PRKN: variants seen among roughly 807,000 people sequenced by gnomAD.
PRKN encodes E3 ubiquitin-protein ligase parkin.
In PRKN, 56 loss-of-function variants were observed where a neutral mutation model predicts 59.5. The observed-to-expected ratio is 0.94, with a 90% CI of 0.76 to 1.18. The LOEUF (loss-of-function observed/expected upper bound fraction) is 1.18. PRKN is among the 50% of genes most tolerant of loss of function. The pLI, the probability that PRKN is intolerant of heterozygous loss-of-function variation, is 0.00. For synonymous variants in PRKN, 250 were observed against 222.1 expected, an observed-to-expected ratio of 1.13 and a Z score of -1.12; for missense variants, 657 against 596.4, an observed-to-expected ratio of 1.10 and a Z score of -1.06.
chr6:161,502,874 T>C lies in PRKN; in HGVS notation c.1083+45980A>G, dbSNP rs939962612. Among the ~76,000 whole-genome samples, 14 of 152,160 alleles carry C rather than the reference T, an allele frequency of 9.2e-5. No individual in the cohort carries two copies. The highest frequency in any genetic ancestry group is 1.9e-4 in the Non-Finnish European group (13 of 68,012). On this transcript the variant is annotated intron_variant, in intron 9 of 11. Coordinates refer to ENST00000366898, the MANE Select transcript of PRKN (RefSeq NM_004562.3). This position sits in a 1 kb window ranked among gnomAD's most constrained non-coding sequence, Gnocchi z 4.0. ...TTAAAAACCTGACTCCACAGCTTAG[T>C]AGGTGCGTAACCCTGGGGATGTCGC...
intron 1 of PRKN, among the ~76,000 whole-genome samples, chr6:162,607,610 T>C (rs1280805616): frequency 1.3e-5 from 2 of 151,814 alleles, no homozygotes; most frequent in Non-Finnish European, 2.9e-5. Context: ...ACTGATAAGA[T>C]GAGGCTGAAT....
chr6:161,454,224 G>A lies in PRKN; in HGVS notation c.1084-67347C>T, dbSNP rs1408077438. Among the ~76,000 whole-genome samples the A allele has an allele frequency of 1.3e-5, 2 of 152,146 alleles. No homozygotes were observed. Among genetic ancestry groups the A allele is most frequent in the African/African-American group, 4.8e-5 (2 of 41,424 alleles). On this transcript the variant is annotated intron_variant, in intron 9 of 11. Transcript: ENST00000366898. This position sits in a 1 kb window ranked among gnomAD's most constrained non-coding sequence, Gnocchi z 4.6. Reference sequence around the variant, plus strand: ...AACGGCAGCATGGGTTCTATAGGTCGGGGTGGCATTAGCACTGACGGCACA... The same window carrying A: ...AACGGCAGCATGGGTTCTATAGGTCAGGGTGGCATTAGCACTGACGGCACA...
In PRKN at chr6:161,429,649, A is replaced by T. The variant is rs1326701782; in HGVS notation, c.1084-42772T>A. 6.6e-6 allele frequency among the ~76,000 whole-genome samples: 1 copy of T among 152,098 alleles called. No homozygotes were observed. The highest frequency in any genetic ancestry group is 1.5e-5 in the Non-Finnish European group (1 of 68,020). ...GCTGCTGGTTTCAGGTTTGGGCCAC[A>T]AGTAGATCAATGAAGAAAGAGGAAT... On this transcript the variant is annotated intron_variant, in intron 9 of 11. Coordinates refer to ENST00000366898, the MANE Select transcript of PRKN (RefSeq NM_004562.3). The surrounding 1 kb of genome is among the most constrained non-coding windows in gnomAD (Gnocchi z 4.2).
intron 1 of PRKN, among the ~76,000 whole-genome samples, chr6:162,607,013 C>T (rs1002922099): frequency 1.1e-4 from 16 of 149,516 alleles, no homozygotes; most frequent in Admixed American, 2.7e-4. Flanking sequence ...GTGCCCAGCC[C>T]GGTTATTTAT....
intron 2 of PRKN, among the ~76,000 whole-genome samples, chr6:162,366,762 G>A: frequency 6.6e-6 from 1 of 152,048 alleles, no homozygotes; most frequent in South Asian, 2.1e-4. Context: ...AAAATTAGCT[G>A]GGTGTGGTGG....
chr6:161,608,690 G>A (rs1014311238), intron 7 of PRKN, among the ~76,000 whole-genome samples: 3 of 151,686 alleles, frequency 2.0e-5, no homozygotes, highest in Admixed American at 6.6e-5. Context: ...GTGCCACCAC[G>A]CCCGGCTAAT....
At chr6:162,569,528 G>C in intron 1 of PRKN, 1 of 710,000 alleles carries the variant, frequency 1.4e-6, no homozygotes. Context: ...GACCACCAGC[G>C]CCTATGCAGA....
At chr6:162,134,420 G>A (rs549077742) in intron 4 of PRKN, among the ~76,000 whole-genome samples, 9 of 152,280 alleles carry the variant, frequency 5.9e-5, no homozygotes, top group African/African-American at 2.2e-4. Flanking sequence ...TGTTTTATAA[G>A]TTACTGATGG....
intron 1 of PRKN, among the ~76,000 whole-genome samples, chr6:162,570,708 A>G (rs1780286506): frequency 6.6e-6 from 1 of 152,216 alleles, no homozygotes; most frequent in African/African-American, 2.4e-5. Flanking sequence ...TAAGCCAGGC[A>G]GAGAAAGACA....
chr6:161,917,876 T>C (rs1742810612), intron 6 of PRKN, among the ~76,000 whole-genome samples: 1 of 152,220 alleles, frequency 6.6e-6, no homozygotes, highest in South Asian at 2.1e-4. Flanking sequence ...GATGCAGGCT[T>C]CGCTGATCAT....
At chr6:162,081,432 C>A (rs545078129) in intron 4 of PRKN, among the ~76,000 whole-genome samples, 1 of 152,246 alleles carries the variant, frequency 6.6e-6, no homozygotes, top group South Asian at 2.1e-4. Context: ...AGACTACATT[C>A]ACTTCCCTAT....
intron 2 of PRKN, among the ~76,000 whole-genome samples, chr6:162,379,885 T>A (rs1024026840): frequency 2.0e-5 from 3 of 152,170 alleles, no homozygotes; most frequent in African/African-American, 7.2e-5. Flanking sequence ...CTGAGGTAGC[T>A]GATGAACATG....
chr6:161,536,389 A>G (rs1779416080), intron 9 of PRKN, among the ~76,000 whole-genome samples: 1 of 151,922 alleles, frequency 6.6e-6, no homozygotes. Context: ...GACCCGGAAA[A>G]TGAGGTCATT....
chr6:161,450,040 T>C (rs1163886497), intron 9 of PRKN, among the ~76,000 whole-genome samples: 1 of 152,196 alleles, frequency 6.6e-6, no homozygotes, highest in Non-Finnish European at 1.5e-5. Flanking sequence ...GTAGTCTGGC[T>C]GCCTGCATTA....
chr6:162,724,670 C>T (rs1779058427), intron 1 of PRKN, among the ~76,000 whole-genome samples: 1 of 152,054 alleles, frequency 6.6e-6, no homozygotes, highest in African/African-American at 2.4e-5. Context: ...CAGCCTAGAC[C>T]CAGGAAAAGT....
intron 2 of PRKN, among the ~76,000 whole-genome samples, chr6:162,380,496 C>T (rs7453717): frequency 3.3e-3 from 87 of 26,232 alleles, no homozygotes; most frequent in African/African-American, 0.016. Flanking sequence ...TATATACACA[C>T]ATATATATGT....
At chr6:162,617,635 C>G (rs565247805) in intron 1 of PRKN, among the ~76,000 whole-genome samples, 1 of 152,166 alleles carries the variant, frequency 6.6e-6, no homozygotes, top group Non-Finnish European at 1.5e-5. Context: ...TATTTCCTTC[C>G]ACTCCAGCCT....
chr6:162,147,498 T>C (rs1327864827), intron 4 of PRKN, among the ~76,000 whole-genome samples: 2 of 152,102 alleles, frequency 1.3e-5, no homozygotes, highest in Admixed American at 6.5e-5. Flanking sequence ...GGAAAGGGAT[T>C]AGCAATGAAT....
At chr6:162,717,673 C>A (rs1452198795) in intron 1 of PRKN, among the ~76,000 whole-genome samples, 1 of 151,446 alleles carries the variant, frequency 6.6e-6, no homozygotes, top group Non-Finnish European at 1.5e-5. Flanking sequence ...GTTACAGCAA[C>A]AACAGGAACT....
Sources: gnomAD v4.1 joint callset for allele counts (sites outside exome capture counted in the v4.1 genomes callset) on GRCh38, gnomAD v4.1.1 for gene constraint, Gnocchi (gnomAD v3.1) non-coding constraint, MANE v1.5 for transcripts, NCBI Gene and HGNC (gene_info 2026-07-23, HGNC 2026-07-21) for gene names.